Variants in GRID2 observed in about 807,000 individuals in gnomAD.
GRID2 encodes glutamate receptor ionotropic, delta-2.
A neutral mutation model predicts 114.8 loss-of-function variants in GRID2; 33 were observed. That is an observed-to-expected ratio of 0.29 (90% CI 0.22 to 0.38). GRID2 has a LOEUF of 0.38. GRID2 is among the 10% of genes least tolerant of loss of function. GRID2 has a pLI of 1.00. For synonymous variants in GRID2, 505 were observed against 449.9 expected, an observed-to-expected ratio of 1.12 and a Z score of -1.55; for missense variants, 1,184 against 1,257.7, an observed-to-expected ratio of 0.94 and a Z score of 0.89.
intron 11 of GRID2, among the ~76,000 whole-genome samples, chr4:93,479,375 C>T (rs557187955): frequency 7.9e-5 from 12 of 151,980 alleles, no homozygotes; most frequent in African/African-American, 2.9e-4. Flanking sequence ...ATGAGGTATG[C>T]CTATATATAG....
At chr4:92,604,655 G>A (rs752087049) in intron 2 of GRID2, among the ~76,000 whole-genome samples, 12 of 152,098 alleles carry the variant, frequency 7.9e-5, no homozygotes, top group Admixed American at 2.0e-4. Context: ...TAACAAGCCT[G>A]CATGTCCTGC....
chr4:93,023,093 TTGTGTGTGTGTG>T (rs370431407), intron 2 of GRID2, among the ~76,000 whole-genome samples: 2 of 143,844 alleles, frequency 1.4e-5, no homozygotes, highest in African/African-American at 5.1e-5. Context: ...CAGAGAACAT[TTGTGTGTGTGTG>T]TGTGTGTGTG....
intron 1 of GRID2, among the ~76,000 whole-genome samples, chr4:92,530,166 T>C (rs1725260928): frequency 6.6e-6 from 1 of 151,950 alleles, no homozygotes; most frequent in Admixed American, 6.6e-5. Context: ...TGCAGAAGGA[T>C]GATAGAATTA....
chr4:93,136,514 C>T (rs1333122656), intron 4 of GRID2, among the ~76,000 whole-genome samples: 3 of 152,000 alleles, frequency 2.0e-5, no homozygotes, highest in Admixed American at 6.6e-5. Flanking sequence ...TTTCATTTAA[C>T]CTTTAAGTTT....
At chr4:92,956,176 C>T (rs1444044885) in intron 2 of GRID2, among the ~76,000 whole-genome samples, 1 of 152,158 alleles carries the variant, frequency 6.6e-6, no homozygotes, top group African/African-American at 2.4e-5. Context: ...CTGTCATTAA[C>T]AACATCTTCC....
intron 8 of GRID2, among the ~76,000 whole-genome samples, chr4:93,383,639 G>C (rs1029709490): frequency 6.6e-6 from 1 of 151,994 alleles, no homozygotes; most frequent in African/African-American, 2.4e-5. Flanking sequence ...TTGAAAGCTG[G>C]GGAGAACCAG....
intron 9 of GRID2, among the ~76,000 whole-genome samples, chr4:93,421,135 A>G (rs546600675): frequency 1.3e-5 from 2 of 152,098 alleles, no homozygotes; most frequent in African/African-American, 2.4e-5. Context: ...TGCTGTGTGT[A>G]GTCTCAGATA....
At chr4:93,523,767 G>A (rs1453212962) in intron 13 of GRID2, among the ~76,000 whole-genome samples, 1 of 152,098 alleles carries the variant, frequency 6.6e-6, no homozygotes, top group African/African-American at 2.4e-5. Flanking sequence ...AGTCTTGAGG[G>A]CATTGCTTCC....
chr4:93,664,841 A>G (rs1195637367), intron 14 of GRID2, among the ~76,000 whole-genome samples: 2 of 152,210 alleles, frequency 1.3e-5, no homozygotes, highest in Non-Finnish European at 2.9e-5. Flanking sequence ...TGTGTAAGTT[A>G]GAGTTGTGAG....
intron 1 of GRID2, among the ~76,000 whole-genome samples, chr4:92,311,060 G>A (rs1479328425): frequency 1.3e-5 from 2 of 151,904 alleles, no homozygotes; most frequent in African/African-American, 4.8e-5. Context: ...TTTTGTTTTC[G>A]TTTTGTCTAT....
intron 2 of GRID2, among the ~76,000 whole-genome samples, chr4:92,907,597 G>A (rs1748052891): frequency 1.3e-5 from 2 of 151,920 alleles, no homozygotes; most frequent in South Asian, 4.2e-4. Flanking sequence ...TTTTAGTAGA[G>A]ATGGGTTTCT....
chr4:93,613,670 C>T (rs9683841), intron 13 of GRID2, among the ~76,000 whole-genome samples: 6 of 139,172 alleles, frequency 4.3e-5, no homozygotes, highest in African/African-American at 1.6e-4. Context: ...TCTGCCCGTT[C>T]TCAGATCTCC....
intron 11 of GRID2, among the ~76,000 whole-genome samples, chr4:93,478,331 C>T (rs1263340532): frequency 6.6e-6 from 1 of 151,960 alleles, no homozygotes; most frequent in Non-Finnish European, 1.5e-5. Context: ...TTTAATTTAG[C>T]ATTTTTCATA....
intron 14 of GRID2, among the ~76,000 whole-genome samples, chr4:93,681,761 T>C (rs780788283): frequency 6.6e-6 from 1 of 151,976 alleles, no homozygotes; most frequent in Non-Finnish European, 1.5e-5. Context: ...CTTCCTTACG[T>C]CTTATACAAA....
At chr4:93,454,547 A>G (rs2149410148) in intron 10 of GRID2, among the ~76,000 whole-genome samples, 1 of 152,178 alleles carries the variant, frequency 6.6e-6, no homozygotes, top group Non-Finnish European at 1.5e-5. Flanking sequence ...ACAAAGATAT[A>G]TGAACTCGGT....
chr4:93,772,343 G>A lies in GRID2; in HGVS notation c.2869G>A (p.Val957Met), dbSNP rs763070360. The A allele has an allele frequency of 4.3e-6, 7 of 1,613,928 alleles. No individual in the cohort carries two copies. Among genetic ancestry groups the A allele is most frequent in the Middle Eastern group, 1.6e-4 (1 of 6,084 alleles). The stretch of plus-strand genomic sequence containing the variant: ...TGCTTCTGGTTTCACTTTTGGCAAC[G>A]TGCCTGAGCACCGAACTGGCCCTTT... The part of the protein sequence containing the change: ...KAASGFTFGN[V>M]PEHRTGPFRH... Residue 957 changes from valine to methionine, a missense_variant, in exon 16 of 16, where the codon GTG becomes ATG. Transcript: ENST00000282020.
intron 8 of GRID2, among the ~76,000 whole-genome samples, chr4:93,322,759 C>G (rs1190566943): frequency 2.0e-5 from 3 of 152,106 alleles, no homozygotes; most frequent in Non-Finnish European, 4.4e-5. Flanking sequence ...GAGATGGTAT[C>G]TCATTGTGGT....
intron 4 of GRID2, among the ~76,000 whole-genome samples, chr4:93,193,257 G>A (rs572790661): frequency 6.6e-6 from 1 of 152,076 alleles, no homozygotes; most frequent in Non-Finnish European, 1.5e-5. Flanking sequence ...GAAGGAGACC[G>A]AGGGATCATT....
At chr4:92,326,296 C>T (rs1449718306) in intron 1 of GRID2, among the ~76,000 whole-genome samples, 1 of 151,798 alleles carries the variant, frequency 6.6e-6, no homozygotes, top group Non-Finnish European at 1.5e-5. Flanking sequence ...CATAAGTCCA[C>T]AATACTAATT....
Sources: gnomAD v4.1 joint callset for allele counts (sites outside exome capture counted in the v4.1 genomes callset) on GRCh38, gnomAD v4.1.1 for gene constraint, MANE v1.5 for transcripts, NCBI Gene and HGNC (gene_info 2026-07-23, HGNC 2026-07-21) for gene names.